TBC1D22A: variants seen among roughly 807,000 people sequenced by gnomAD.
TBC1D22A encodes the protein putative GTPase activator.
A neutral mutation model predicts 60.2 loss-of-function variants in TBC1D22A; 38 were observed. The observed-to-expected ratio is 0.63, with a 90% CI of 0.49 to 0.83. The LOEUF (loss-of-function observed/expected upper bound fraction) is 0.83. Among genes scored for constraint, TBC1D22A ranks in the 40% least tolerant of loss-of-function variants. The pLI is 0.00. For missense variants in TBC1D22A, 628 were observed against 701.0 expected, an observed-to-expected ratio of 0.90 and a Z score of 1.18; for synonymous variants, 302 against 281.7, an observed-to-expected ratio of 1.07 and a Z score of -0.72.
intron 10 of TBC1D22A, among the ~76,000 whole-genome samples, chr22:47,005,128 C>T (rs184125621): frequency 5.9e-5 from 9 of 151,888 alleles, no homozygotes; most frequent in Admixed American, 6.5e-5. Flanking sequence ...CTCTTACACA[C>T]GTGTCTATAC....
chr22:47,044,203 C>T (rs1326725927), intron 11 of TBC1D22A, among the ~76,000 whole-genome samples: 8 of 152,178 alleles, frequency 5.3e-5, no homozygotes, highest in African/African-American at 9.7e-5. Context: ...TGTCCGGTGC[C>T]GTGCTATCCT....
rs538297585 is a variant in TBC1D22A at position 46,965,606 on chromosome 22, G to A, written c.1016-8684G>A. ...TGTTTCTTGTTACTTGTGTCAGTGG[G>A]GGAATCTTGGCCAGTTTTATTGGTG... is the stretch of plus-strand genomic sequence containing the variant. On this transcript the variant is annotated intron_variant, in intron 8 of 12. Coordinates refer to ENST00000337137, the MANE Select transcript of TBC1D22A (RefSeq NM_014346.5). Among the ~76,000 whole-genome samples the A allele has an allele frequency of 2.0e-5, 3 of 152,356 alleles. No homozygotes were observed. The South Asian group carries it at 6.2e-4, about 32-fold the overall frequency.
chr22:47,139,280 T>C (rs2066992973), intron 12 of TBC1D22A, among the ~76,000 whole-genome samples: 1 of 152,202 alleles, frequency 6.6e-6, no homozygotes, highest in Admixed American at 6.5e-5. Flanking sequence ...GAACTGTGTG[T>C]CTGGGGCCCA....
In TBC1D22A at chr22:46,792,574, C is replaced by T; in HGVS notation, c.117C>T (p.Gly39=). The change falls in exon 2 of 13, where the codon GGC becomes GGT. Residue 39 remains glycine (G), a splice_region_variant and synonymous_variant. Coordinates refer to ENST00000337137, the MANE Select transcript of TBC1D22A (RefSeq NM_014346.5). ...CCCCCTTTGATCCACTGTTACATGG[C>T]ACGTAAGTGACGTTCCAACCTCACT... ...QHPPFDPLLH[G]TLLRSTAKMP... 1.2e-6 allele frequency: 2 copies of T among 1,614,242 alleles called. No homozygotes were observed. Among genetic ancestry groups the T allele is most frequent in the Non-Finnish European group, 1.7e-6 (2 of 1,180,040 alleles).
At chr22:47,094,849 C>T (rs560175213) in intron 11 of TBC1D22A, among the ~76,000 whole-genome samples, 27 of 152,142 alleles carry the variant, frequency 1.8e-4, no homozygotes, top group Admixed American at 3.9e-4. Flanking sequence ...GAGGAGAACC[C>T]GTCCTGTGAC....
intron 1 of TBC1D22A, among the ~76,000 whole-genome samples, chr22:46,783,498 C>T (rs1420853596): frequency 6.6e-6 from 1 of 152,236 alleles, no homozygotes; most frequent in Non-Finnish European, 1.5e-5. Context: ...CGCACACACG[C>T]AGTTGATGCC....
intron 11 of TBC1D22A, among the ~76,000 whole-genome samples, chr22:47,094,710 C>G (rs544038630): frequency 1.3e-5 from 2 of 152,180 alleles, no homozygotes; most frequent in Admixed American, 6.5e-5. Flanking sequence ...ATGTCTTTCT[C>G]TTATACTATA....
intron 4 of TBC1D22A, among the ~76,000 whole-genome samples, chr22:46,869,496 G>A (rs1445551042): frequency 1.3e-5 from 2 of 152,210 alleles, no homozygotes; most frequent in Non-Finnish European, 2.9e-5. Context: ...TTAATGTGTG[G>A]GTGGACTCGG....
chr22:47,033,242 T>C (rs996169600), intron 10 of TBC1D22A, among the ~76,000 whole-genome samples: 4 of 152,250 alleles, frequency 2.6e-5, no homozygotes, highest in Non-Finnish European at 5.9e-5. Context: ...CAGGGCTTCG[T>C]AGAACTTTCT....
At chr22:47,106,318 CAGAA>C (rs2065630446) in intron 11 of TBC1D22A, among the ~76,000 whole-genome samples, 1 of 152,130 alleles carries the variant, frequency 6.6e-6, no homozygotes, top group Non-Finnish European at 1.5e-5. Context: ...TCCCCAGATT[CAGAA>C]AGACCAATAT....
intron 1 of TBC1D22A, among the ~76,000 whole-genome samples, chr22:46,791,531 GTT>G (rs11351638): frequency 1.7e-3 from 245 of 140,618 alleles, no homozygotes; most frequent in Admixed American, 3.2e-3. Context: ...AGCTAAGCCT[GTT>G]TTTTTTTTTT....
chr22:47,158,174 G>A (rs1420602505), intron 12 of TBC1D22A, among the ~76,000 whole-genome samples: 1 of 152,182 alleles, frequency 6.6e-6, no homozygotes, highest in Non-Finnish European at 1.5e-5. Context: ...TCCCTGACCT[G>A]GGGTCCAGTA....
chr22:46,904,028 T>A (rs1234375804), intron 7 of TBC1D22A, among the ~76,000 whole-genome samples: 1 of 151,668 alleles, frequency 6.6e-6, no homozygotes, highest in East Asian at 1.9e-4. Flanking sequence ...TGGAAAAAAA[T>A]GATATGAAAT....
chr22:47,025,162 T>C (rs557682187), intron 10 of TBC1D22A, among the ~76,000 whole-genome samples: 5 of 152,318 alleles, frequency 3.3e-5, no homozygotes, highest in African/African-American at 1.2e-4. Flanking sequence ...ACACAGTCAC[T>C]GAAGGAGATT....
intron 12 of TBC1D22A, chr22:47,115,696 C>T (rs543185016): frequency 6.6e-6 from 1 of 152,234 alleles, no homozygotes; most frequent in African/African-American, 2.4e-5. Context: ...AACCTGCCAC[C>T]CGCCCCTGCT....
At chr22:46,878,838 C>T in intron 5 of TBC1D22A, 115 bp downstream of exon 5, 2 of 923,338 alleles carry the variant, frequency 2.2e-6, no homozygotes, top group East Asian at 2.5e-5. Context: ...GGCTTTGTTG[C>T]AGTGATAAAG....
At chr22:47,067,243 G>C (rs574412079) in intron 11 of TBC1D22A, among the ~76,000 whole-genome samples, 30 of 152,328 alleles carry the variant, frequency 2.0e-4, no homozygotes, top group Admixed American at 5.9e-4. Flanking sequence ...TCCAGCCTGG[G>C]CAACAGAGTG....
At chr22:46,842,506 A>G (rs1355086642) in intron 4 of TBC1D22A, among the ~76,000 whole-genome samples, 1 of 152,140 alleles carries the variant, frequency 6.6e-6, no homozygotes, top group Non-Finnish European at 1.5e-5. Context: ...ATGCATCTCA[A>G]AGTAAGTTGT....
chr22:46,930,312 ATG>A (rs1206870860), intron 8 of TBC1D22A, among the ~76,000 whole-genome samples: 1 of 152,230 alleles, frequency 6.6e-6, no homozygotes, highest in East Asian at 1.9e-4. Context: ...CAAGTGTTAT[ATG>A]TGTGTGGTGG....
Sources: allele counts gnomAD v4.1 joint callset (sites outside exome capture counted in the v4.1 genomes callset), GRCh38; gene constraint gnomAD v4.1.1; transcripts MANE v1.5; gene names NCBI Gene and HGNC (gene_info 2026-07-23, HGNC 2026-07-21).